WWOX: variants seen among roughly 807,000 people sequenced by gnomAD.
WWOX encodes the protein WW domain containing oxidoreductase.
WWOX carries 69 observed loss-of-function variants against 46.2 expected under a neutral mutation model. The ratio of observed to expected loss-of-function variants is 1.49; its 90% confidence interval spans 1.23 to 1.82. The LOEUF is 1.82. Ranked by LOEUF, WWOX falls within the 40% of genes most tolerant of loss-of-function variation. The pLI, the probability that WWOX is intolerant of heterozygous loss-of-function variation, is 0.00. For missense variants in WWOX, 919 were observed against 542.6 expected, an observed-to-expected ratio of 1.69 and a Z score of -6.89; for synonymous variants, 359 against 202.6, an observed-to-expected ratio of 1.77 and a Z score of -6.56.
chr16:78,883,898 C>G (rs372043891), intron 8 of WWOX, among the ~76,000 whole-genome samples: 1 of 152,056 alleles, frequency 6.6e-6, no homozygotes, highest in African/African-American at 2.4e-5. Context: ...AAGAAAACCT[C>G]TTTATGATAG....
At chr16:78,185,487 A>ATT in intron 5 of WWOX, among the ~76,000 whole-genome samples, 1 of 144,890 alleles carries the variant, frequency 6.9e-6, no homozygotes, top group Non-Finnish European at 1.5e-5. Context: ...GTGAACTGTG[A>ATT]TTTTTTTTTT....
chr16:78,984,982 A>C (rs2046755989), intron 8 of WWOX, among the ~76,000 whole-genome samples: 1 of 152,106 alleles, frequency 6.6e-6, no homozygotes, highest in Admixed American at 6.5e-5. Context: ...TACTGGGCAA[A>C]AGGAAAAAAA....
At chr16:79,197,162 T>C (rs1324647175) in intron 8 of WWOX, among the ~76,000 whole-genome samples, 2 of 152,204 alleles carry the variant, frequency 1.3e-5, no homozygotes, top group Non-Finnish European at 2.9e-5. Context: ...TGTACCATTC[T>C]GTCCTTCAGG....
At chr16:79,121,617 T>A (rs1286770029) in intron 8 of WWOX, among the ~76,000 whole-genome samples, 1 of 152,024 alleles carries the variant, frequency 6.6e-6, no homozygotes, top group Non-Finnish European at 1.5e-5. Context: ...GCAGTAGGAT[T>A]TCAAAGACTC....
At chr16:78,416,846 C>T (rs1314758767) in intron 6 of WWOX, among the ~76,000 whole-genome samples, 2 of 152,164 alleles carry the variant, frequency 1.3e-5, no homozygotes, top group Non-Finnish European at 2.9e-5. Context: ...TTCTCACAAC[C>T]ATGGGAGGAG....
intron 8 of WWOX, among the ~76,000 whole-genome samples, chr16:79,084,442 A>G (rs1381848854): frequency 2.0e-5 from 3 of 152,116 alleles, no homozygotes; most frequent in Non-Finnish European, 2.9e-5. Context: ...TTTTTTTGAG[A>G]TGGAGTCTCG....
At chr16:78,529,031 A>C (rs1402824121) in intron 8 of WWOX, among the ~76,000 whole-genome samples, 1 of 143,646 alleles carries the variant, frequency 7.0e-6, no homozygotes, top group Non-Finnish European at 1.5e-5. Flanking sequence ...TTGGCTTACT[A>C]TAGCCTTGAC....
intron 8 of WWOX, chr16:79,203,604 T>G (rs1194097666): frequency 6.6e-6 from 1 of 151,992 alleles, no homozygotes; most frequent in Non-Finnish European, 1.5e-5. Context: ...AAACAGCTTG[T>G]TTGTGGTTCG....
chr16:78,529,661 G>A (rs2043571608), intron 8 of WWOX, among the ~76,000 whole-genome samples: 1 of 151,758 alleles, frequency 6.6e-6, no homozygotes, highest in South Asian at 2.1e-4. Flanking sequence ...TAGAGATGGG[G>A]TTTCACCGTG....
intron 8 of WWOX, among the ~76,000 whole-genome samples, chr16:78,466,023 T>C (rs1005237822): frequency 7.4e-6 from 1 of 135,990 alleles, no homozygotes; most frequent in African/African-American, 3.3e-5. Context: ...GTTTCTTTAG[T>C]TTTTTTTGGT....
intron 8 of WWOX, among the ~76,000 whole-genome samples, chr16:78,606,707 C>A (rs184052469): frequency 8.2e-4 from 122 of 148,472 alleles, no homozygotes; most frequent in Non-Finnish European, 1.3e-3. Context: ...GGGCATTTCC[C>A]CAGAATTGCA....
chr16:78,787,325 A>G (rs986758727), intron 8 of WWOX, among the ~76,000 whole-genome samples: 4 of 151,906 alleles, frequency 2.6e-5, no homozygotes, highest in Non-Finnish European at 5.9e-5. Flanking sequence ...GTCATTCCCC[A>G]TTTCCTCCTT....
At chr16:79,111,862 G>A (rs191429851) in intron 8 of WWOX, among the ~76,000 whole-genome samples, 1 of 152,158 alleles carries the variant, frequency 6.6e-6, no homozygotes, top group African/African-American at 2.4e-5. Flanking sequence ...TTATGTAACA[G>A]ACTCCATCCT....
At chr16:78,851,494 T>C (rs2052441928) in intron 8 of WWOX, among the ~76,000 whole-genome samples, 1 of 152,220 alleles carries the variant, frequency 6.6e-6, no homozygotes, top group African/African-American at 2.4e-5. Flanking sequence ...CTTGGTTGCC[T>C]CAGAAGATAA....
At chr16:78,932,301 T>C (rs1247052199) in intron 8 of WWOX, among the ~76,000 whole-genome samples, 2 of 152,206 alleles carry the variant, frequency 1.3e-5, no homozygotes, top group Non-Finnish European at 2.9e-5. Flanking sequence ...GTGCTTCTTG[T>C]ACTGACCAGG....
At chr16:79,170,655 T>C (rs1009096502) in intron 8 of WWOX, among the ~76,000 whole-genome samples, 1 of 139,236 alleles carries the variant, frequency 7.2e-6, no homozygotes, top group Non-Finnish European at 1.5e-5. Context: ...ACTTTCACAG[T>C]CAAGAGTTAC....
At chr16:78,394,396 T>C (rs2082242767) in intron 6 of WWOX, among the ~76,000 whole-genome samples, 1 of 151,976 alleles carries the variant, frequency 6.6e-6, no homozygotes, top group South Asian at 2.1e-4. Flanking sequence ...TTCTATCCCA[T>C]ACATTTTCCA....
chr16:78,548,832 C>A (rs911428544), intron 8 of WWOX, among the ~76,000 whole-genome samples: 1 of 152,084 alleles, frequency 6.6e-6, no homozygotes, highest in Non-Finnish European at 1.5e-5. Context: ...GGCTGCAGCC[C>A]GTTAACTGGT....
chr16:79,155,865 G>C (rs1019722224), intron 8 of WWOX, among the ~76,000 whole-genome samples: 1 of 151,518 alleles, frequency 6.6e-6, no homozygotes, highest in African/African-American at 2.4e-5. Flanking sequence ...CATATAAGAA[G>C]GAGAAAGGGA....
Sources: gnomAD v4.1 joint callset for allele counts (sites outside exome capture counted in the v4.1 genomes callset) on GRCh38, gnomAD v4.1.1 for gene constraint, MANE v1.5 for transcripts, NCBI Gene and HGNC (gene_info 2026-07-23, HGNC 2026-07-21) for gene names.